The following FGFR3 variants were observed in gnomAD, a reference collection of about 807,000 sequenced individuals.
FGFR3 encodes fibroblast growth factor receptor 3.
Under a neutral mutation model 82.9 loss-of-function variants are expected in FGFR3, and 25 were observed. That is an observed-to-expected ratio of 0.30 (90% CI 0.22 to 0.42). The LOEUF is 0.42. Ranked by LOEUF, FGFR3 falls within the 10% of genes least tolerant of loss-of-function variation. The probability of loss-of-function intolerance (pLI) is 1.00; values close to 1 mark genes in which losing one functional copy is unlikely to be tolerated. For synonymous variants in FGFR3, 620 were observed against 516.0 expected, an observed-to-expected ratio of 1.20 and a Z score of -2.73; for missense variants, 1,026 against 1,161.0, an observed-to-expected ratio of 0.88 and a Z score of 1.69.
chr4:1,804,071 C>T (rs1256221597), intron 8 of FGFR3, among the ~76,000 whole-genome samples: 2 of 152,238 alleles, frequency 1.3e-5, no homozygotes, highest in South Asian at 2.1e-4. Context: ...CCCCAAAGGC[C>T]TCTCCTGTGG....
rs145183329 is a variant in FGFR3, at chr4:1,805,855, C to T, written c.1751C>T (p.Pro584Leu). 16 of 1,612,654 alleles carry T rather than the reference C, an allele frequency of 9.9e-6. No homozygotes were observed. In the East Asian group the frequency reaches 1.1e-4, roughly 11 times the overall value. The change falls in exon 13 of 18, where the codon CCG (proline) becomes CTG (leucine). Residue 584 changes from proline (P) to leucine (L), a missense_variant. By Grantham distance (98) the Pro-to-Leu change is moderately conservative (BLOSUM62 -3). Transcript: ENST00000440486. ...GACTACTCCTTCGACACCTGCAAGC[C>T]GCCCGAGGAGCAGCTCACCTTCAAG... ...GLDYSFDTCK[P>L]PEEQLTFKDL...
chr4:1,795,497 A>C lies in FGFR3; in HGVS notation c.109+1454A>C, dbSNP rs3135843. Among the ~76,000 whole-genome samples the C allele has an allele frequency of 3.9e-3, 593 of 152,204 alleles. 2 individuals carry two copies. The highest frequency in any genetic ancestry group is 6.6e-3 in the Non-Finnish European group (447 of 67,976). Reference sequence around the variant, plus strand: ...CAGGTAGTGAGTTGATCGGTCAATAAACTTAATCCGGTTCCTTAACAAGAT... The same window carrying C: ...CAGGTAGTGAGTTGATCGGTCAATACACTTAATCCGGTTCCTTAACAAGAT... On this transcript the variant is annotated intron_variant, in intron 2 of 17. Transcript: ENST00000440486.
At chr4:1,795,021 A>AGGGCGCCTGGAGGGCCGAGGC (rs1720311250) in intron 2 of FGFR3, among the ~76,000 whole-genome samples, 1 of 150,222 alleles carries the variant, frequency 6.7e-6, no homozygotes, top group Admixed American at 6.6e-5. Flanking sequence ...CGGGCCGGGG[A>AGGGCGCCTGGAGGGCCGAGGC]GGGCGCCTGG....
At chr4:1,803,568 G>C (rs971514438) in intron 7 of FGFR3, 124 bp from the exon 8 acceptor site, 2 of 1,486,764 alleles carry the variant, frequency 1.3e-6, no homozygotes, top group Admixed American at 2.1e-5. Context: ...CCAAGTTGGC[G>C]GTGGCTGAGG....
At chr4:1,794,150 C>T in intron 2 of FGFR3, 107 bp downstream of exon 2, 1 of 547,968 alleles carries the variant, frequency 1.8e-6, no homozygotes, top group Non-Finnish European at 2.8e-6. Flanking sequence ...TGAGTGACGC[C>T]CCGGGGTTAG....
Position 1,801,861 on chromosome 4 carries a change from C to T in FGFR3, c.766C>T (p.Gln256Ter), listed in dbSNP as rs1245414216. The T allele has an allele frequency of 6.2e-7, 1 of 1,608,062 alleles. No individual in the cohort carries two copies. ...GCGCTCCCCGCACCGGCCCATCCTG[C>T]AGGCGGGGCTGCCGGCCAACCAGAC... Reference protein sequence around the residue: ...LERSPHRPILQAGLPANQTAV... With the variant: ...LERSPHRPIL The change falls in exon 7 of 18, where the codon CAG (glutamine) becomes TAG (stop). Residue 256 changes from glutamine (Q) to a stop codon, truncating the protein, a stop_gained. Coordinates refer to ENST00000440486, the MANE Select transcript of FGFR3 (RefSeq NM_000142.5). LOFTEE classifies it high-confidence loss of function.
rs1722095193 is a variant in FGFR3, at chr4:1,807,408, T to C, written c.*146T>C. On this transcript the variant is annotated 3_prime_UTR_variant, in exon 18 of 18. Transcript: ENST00000440486. ...CTGTGTGTGTGTGTGTGCGTGTGTG[T>C]GTGTGTGTGTGCACATCCGCGTGTG... 8.6e-7 allele frequency: 1 copy of C among 1,160,512 alleles called. No individual in the cohort carries two copies. The highest frequency in any genetic ancestry group is 1.2e-6 in the Non-Finnish European group (1 of 805,940). 71.9% of individuals were successfully genotyped at this position (1,160,512 alleles called of 1,614,324 possible).
In FGFR3 at chr4:1,801,402, A is replaced by G. The variant is rs1721156787; in HGVS notation, c.481A>G (p.Lys161Glu). ...CTGGACACGGCCCGAGCGGATGGACAAGAAGCTGCTGGCCGTGCCGGCCGC... is the reference window on the plus strand; with the variant it reads ...CTGGACACGGCCCGAGCGGATGGACGAGAAGCTGCTGGCCGTGCCGGCCGC... Reference protein sequence around the residue: ...PYWTRPERMDKKLLAVPAANT... With the variant: ...PYWTRPERMDEKLLAVPAANT... The change falls in exon 5 of 18, where the codon AAG becomes GAG. Residue 161 changes from lysine (K) to glutamate (E), a missense_variant. Physicochemically the swap from Lys to Glu is moderately conservative, Grantham distance 56. Around this residue, in one of 9 missense-constraint regions of FGFR3, gnomAD observed 147 missense variants for 228.1 expected, o/e 0.64. Transcript: ENST00000440486. 7 of 1,555,910 alleles carry G rather than the reference A, an allele frequency of 4.5e-6. No individual in the cohort carries two copies. Among genetic ancestry groups the G allele is most frequent in the Admixed American group, 1.9e-5 (1 of 52,262 alleles).
At chr4:1,794,705 C>T (rs17881768) in intron 2 of FGFR3, among the ~76,000 whole-genome samples, 2 of 151,972 alleles carry the variant, frequency 1.3e-5, no homozygotes, top group African/African-American at 4.8e-5. Context: ...AAGGGAGGTC[C>T]CAAGGGGCGA....
rs547391969 is a variant in FGFR3 at position 1,804,908 on chromosome 4, C to A, written c.1351C>A (p.Leu451Met). The A allele has an allele frequency of 4.5e-6, 7 of 1,549,956 alleles. No homozygotes were observed. In the African/African-American group the frequency reaches 6.8e-5, roughly 15 times the overall value. Residue 451 changes from leucine to methionine, a missense_variant, in exon 10 of 18, where the codon CTG becomes ATG. By Grantham distance (15) the Leu-to-Met change is conservative (BLOSUM62 2). Coordinates refer to ENST00000440486, the MANE Select transcript of FGFR3 (RefSeq NM_000142.5). ...GCTGTCCTCAGGGGAGGGCCCCACG[C>A]TGGCCAATGTCTCCGAGCTCGAGCT... Reference protein sequence around the residue: ...ARLSSGEGPTLANVSELELPA... With the variant: ...ARLSSGEGPTMANVSELELPA...
At chr4:1,806,360 T>C (rs1196395870) in intron 15 of FGFR3, 33 bp downstream of exon 15, 2 of 1,611,874 alleles carry the variant, frequency 1.2e-6, no homozygotes, top group Non-Finnish European at 1.7e-6. Context: ...GCTTCAGGGG[T>C]GGAGGCGGGA....
chr4:1,801,889 C>T lies in FGFR3; in HGVS notation c.794C>T (p.Ala265Val), dbSNP rs779284979. ...LQAGLPANQT[A>V]VLGSDVEFHC... ...GCGGGGCTGCCGGCCAACCAGACGG[C>T]GGTGCTGGGCAGCGACGTGGAGTTC... Residue 265 changes from alanine (A) to valine (V), a missense_variant, in exon 7 of 18, where the codon GCG (alanine) becomes GTG (valine). Physicochemically the swap from Ala to Val is moderately conservative, Grantham distance 64. Coordinates refer to ENST00000440486, the MANE Select transcript of FGFR3 (RefSeq NM_000142.5). 1.8e-5 allele frequency: 29 copies of T among 1,610,648 alleles called. No individual in the cohort carries two copies. The highest frequency in any genetic ancestry group is 1.1e-4 in the East Asian group (5 of 44,824).
rs1721886926 is a variant in FGFR3 at position 1,806,170 on chromosome 4, C to T, written c.1956C>T (p.Thr652=). 2 of 1,612,778 alleles carry T rather than the reference C, an allele frequency of 1.2e-6. No individual in the cohort carries two copies. Among genetic ancestry groups the T allele is most frequent in the Non-Finnish European group, 1.7e-6 (2 of 1,179,652 alleles). The change falls in exon 14 of 18, where the codon ACC becomes ACT. Residue 652 remains threonine (T), a synonymous_variant. Coordinates refer to ENST00000440486, the MANE Select transcript of FGFR3 (RefSeq NM_000142.5). ...ACCTCGACTACTACAAGAAGACGAC[C>T]AACGTGAGCCCGGCCCTGGGGTGCG... is the stretch of plus-strand genomic sequence containing the variant. ...VHNLDYYKKT[T]NGRLPVKWMA...
In FGFR3 at chr4:1,807,350, G is replaced by A. The variant is rs1478331377; in HGVS notation, c.*88G>A. On this transcript the variant is annotated 3_prime_UTR_variant, in exon 18 of 18. Coordinates refer to ENST00000440486, the MANE Select transcript of FGFR3 (RefSeq NM_000142.5). ...GCCACTCCCCGGCATGAGACTCAGT[G>A]CAGATGGAGAGACAGCTACACAGAG... The A allele has an allele frequency of 6.6e-7, 1 of 1,508,758 alleles. No homozygotes were observed. Among genetic ancestry groups the A allele is most frequent in the Admixed American group, 2.0e-5 (1 of 51,170 alleles). The allele number at this position is 1,508,758 out of a possible 1,614,324, so 93.5% of individuals were successfully genotyped here. A position where few individuals can be genotyped will look rare whatever the true frequency, so the allele number is the denominator to read the frequency against.
At chr4:1,800,320 C>T (rs991742508) in intron 4 of FGFR3, among the ~76,000 whole-genome samples, 6 of 151,952 alleles carry the variant, frequency 3.9e-5, no homozygotes, top group African/African-American at 1.5e-4. Flanking sequence ...GGCGTCCCGG[C>T]CTGGAACGGT....
At chr4:1,802,816 C>T (rs1721359002) in intron 7 of FGFR3, 2 of 1,422,354 alleles carry the variant, frequency 1.4e-6, no homozygotes, top group African/African-American at 3.0e-5. Flanking sequence ...TGACGCAGCC[C>T]AGCCTCGATC....
At chr4:1,805,282 C>T in intron 10 of FGFR3, 73 bp from the exon 11 acceptor site, 1 of 1,596,050 alleles carries the variant, frequency 6.3e-7, no homozygotes, top group South Asian at 1.1e-5. Context: ...CTGGGCCAGG[C>T]TGGGGTGGGG....
intron 7 of FGFR3, chr4:1,803,234 G>C: frequency 1.2e-6 from 1 of 807,054 alleles, no homozygotes; most frequent in Non-Finnish European, 1.7e-6. Flanking sequence ...GTGACCGCCC[G>C]CTTCGAGCCC....
intron 2 of FGFR3, among the ~76,000 whole-genome samples, chr4:1,797,841 G>T (rs1469178843): frequency 6.6e-6 from 1 of 152,198 alleles, no homozygotes; most frequent in Admixed American, 6.5e-5. Context: ...CTGGGCACTA[G>T]GCGTGTGTGG....
Sources: gnomAD v4.1 joint callset for allele counts (sites outside exome capture counted in the v4.1 genomes callset) on GRCh38, gnomAD v4.1.1 for gene constraint, gnomAD v4.1.1 regional missense constraint, MANE v1.5 for transcripts, NCBI Gene and HGNC (gene_info 2026-07-23, HGNC 2026-07-21) for gene names.